Variants in RNF213 observed in about 807,000 individuals in gnomAD.
RNF213 encodes the protein ring finger protein 213.
In RNF213, 341 loss-of-function variants were observed where a neutral mutation model predicts 514.4. That is an observed-to-expected ratio of 0.66 (90% CI 0.61 to 0.73). The LOEUF (loss-of-function observed/expected upper bound fraction) is 0.73, where lower values mean the gene tolerates loss of function less well. Among genes scored for constraint, RNF213 ranks in the 30% least tolerant of loss-of-function variants. The pLI, the probability that RNF213 is intolerant of heterozygous loss-of-function variation, is 0.00. For missense variants in RNF213, 5,767 were observed against 6,615.6 expected, an observed-to-expected ratio of 0.87 and a Z score of 4.45; for synonymous variants, 2,655 against 2,658.2, an observed-to-expected ratio of 1.00 and a Z score of 0.04.
At position 80,317,316 on chromosome 17, in the gene RNF213, G is replaced by A; in HGVS notation, c.2901+39G>A. The A allele has an allele frequency of 6.3e-7, 1 of 1,587,636 alleles. No homozygotes were observed. Among genetic ancestry groups the A allele is most frequent in the South Asian group, 1.1e-5 (1 of 87,890 alleles). On this transcript the variant is annotated intron_variant, in intron 16 of 67. Coordinates refer to ENST00000582970, the MANE Select transcript of RNF213 (RefSeq NM_001256071.3). This position sits in a 1 kb window ranked among gnomAD's most constrained non-coding sequence, Gnocchi z 4.1. ...GGGGGCAGTCTTTTCAGGGCGTGAA[G>A]GCAAGCTGGAGAACCCCAGACCATT...
In RNF213 at chr17:80,343,839, G is replaced by A. The variant is rs145779158; in HGVS notation, c.6184-18G>A. The A allele has an allele frequency of 8.7e-4, 1,403 of 1,614,024 alleles. 14 individuals are homozygous for A. In the African/African-American group the frequency reaches 0.016, roughly 18 times the overall value. Reference sequence around the variant, plus strand: ...CCATCGTGTCGTGTGTTTACACCTCGTGCGATTCTGTTCTTAGGTGCAGAC... The same window carrying A: ...CCATCGTGTCGTGTGTTTACACCTCATGCGATTCTGTTCTTAGGTGCAGAC... On this transcript the variant is annotated intron_variant, in intron 27 of 67. Transcript: ENST00000582970. This position sits in a 1 kb window ranked among gnomAD's most constrained non-coding sequence, Gnocchi z 4.3.
In RNF213 at chr17:80,290,734, C is replaced by A; in HGVS notation, c.1271+6C>A. 6.2e-7 allele frequency: 1 copy of A among 1,613,882 alleles called. No individual in the cohort carries two copies. Among genetic ancestry groups the A allele is most frequent in the East Asian group, 2.2e-5 (1 of 44,882 alleles). ...TGTGAGCTGCACTACACCAGGTGAGCGTGTCTGTAGGCTTGGGAGGAATCC... is the reference window on the plus strand; with the variant it reads ...TGTGAGCTGCACTACACCAGGTGAGAGTGTCTGTAGGCTTGGGAGGAATCC... On this transcript the variant is annotated splice_donor_region_variant and intron_variant, in intron 7 of 67. Transcript: ENST00000582970.
Position 80,287,969 on chromosome 17 carries a change from A to C in RNF213, c.416A>C (p.Gln139Pro). 6.4e-7 allele frequency: 1 copy of C among 1,574,722 alleles called. No individual in the cohort carries two copies. Among genetic ancestry groups the C allele is most frequent in the Non-Finnish European group, 8.6e-7 (1 of 1,160,380 alleles). ...QDTALPHSQAQQSGPTGQPSQ... is the reference protein window; with the variant it reads ...QDTALPHSQAPQSGPTGQPSQ... ...ACAGCCCTGCCCCACAGCCAAGCCC[A>C]GCAGAGTGGCCCCACTGGCCAGCCG... is the stretch of plus-strand genomic sequence containing the variant. The change falls in exon 4 of 68, where the codon CAG (glutamine) becomes CCG (proline). Residue 139 changes from glutamine to proline, a missense_variant. Transcript: ENST00000582970.
At chr17:80,386,515 C>T in intron 62 of RNF213, 85 bp downstream of exon 62, 3 of 1,509,660 alleles carry the variant, frequency 2.0e-6, no homozygotes, top group South Asian at 2.3e-5. Context: ...AAGCTTCAGC[C>T]CCTTCCCTAA....
chr17:80,280,405 A>G (rs1287776501), intron 3 of RNF213, among the ~76,000 whole-genome samples: 3 of 152,202 alleles, frequency 2.0e-5, no homozygotes, highest in Non-Finnish European at 4.4e-5. Context: ...GAACTTAACC[A>G]ACTAATTAAT....
At chr17:80,371,576 T>C (rs2079519470) in intron 46 of RNF213, 1 of 210,136 alleles carries the variant, frequency 4.8e-6, no homozygotes, top group Non-Finnish European at 9.5e-6. Flanking sequence ...TAATTCCTAA[T>C]ATCATAAATA....
intron 11 of RNF213, among the ~76,000 whole-genome samples, chr17:80,300,690 A>G (rs535562990): frequency 2.9e-4 from 44 of 151,418 alleles, no homozygotes; most frequent in African/African-American, 1.0e-3. Context: ...GGTAGCTGGG[A>G]CCACAGGCAC....
rs2078998404 is a variant in RNF213, at chr17:80,360,054, A to G, written c.11055-7A>G. Reference sequence around the variant, plus strand: ...CCCTCTTCTTATCATCCCTCACCTTATTGCAGACATAAAGGTGAGATGGCC... The same window carrying G: ...CCCTCTTCTTATCATCCCTCACCTTGTTGCAGACATAAAGGTGAGATGGCC... On this transcript the variant is annotated splice_region_variant and splice_polypyrimidine_tract_variant and intron_variant, in intron 37 of 67. Coordinates refer to ENST00000582970, the MANE Select transcript of RNF213 (RefSeq NM_001256071.3). 2 of 1,613,660 alleles carry G rather than the reference A, an allele frequency of 1.2e-6. No homozygotes were observed. The highest frequency in any genetic ancestry group is 1.7e-6 in the Non-Finnish European group (2 of 1,179,732).
In RNF213 at chr17:80,386,683, C is replaced by T. The variant is rs749069143; in HGVS notation, c.14721-7C>T. ...TGGACGCTGAGCGCTGTCTTTCTGC[C>T]CCTCAGCTATTCCGTGGATGCCGCC... On this transcript the variant is annotated splice_polypyrimidine_tract_variant and splice_region_variant and intron_variant, in intron 62 of 67. Coordinates refer to ENST00000582970, the MANE Select transcript of RNF213 (RefSeq NM_001256071.3). 3 of 1,614,120 alleles carry T rather than the reference C, an allele frequency of 1.9e-6. No individual in the cohort carries two copies. The highest frequency in any genetic ancestry group is 2.5e-6 in the Non-Finnish European group (3 of 1,179,938).
intron 14 of RNF213, 31 bp from the exon 15 acceptor site, chr17:80,312,981 A>G: frequency 6.2e-7 from 1 of 1,613,356 alleles, no homozygotes; most frequent in African/African-American, 1.3e-5. Context: ...ACAGCCGAGG[A>G]TGACTGACCC....
intron 30 of RNF213, among the ~76,000 whole-genome samples, 192 bp from the exon 31 acceptor site, chr17:80,350,109 A>G (rs1394664172): frequency 6.6e-6 from 1 of 151,930 alleles, no homozygotes; most frequent in Non-Finnish European, 1.5e-5. Context: ...CTCCTCCGAG[A>G]GCACCATCCT....
chr17:80,374,706 G>A (rs2079674007), intron 50 of RNF213, 117 bp downstream of exon 50: 1 of 1,264,088 alleles, frequency 7.9e-7, no homozygotes, highest in Non-Finnish European at 1.1e-6. Flanking sequence ...CCCATCACGT[G>A]ACACTGTATT....
chr17:80,305,896 G>A (rs1439345509), intron 11 of RNF213, among the ~76,000 whole-genome samples: 1 of 152,196 alleles, frequency 6.6e-6, no homozygotes, highest in Non-Finnish European at 1.5e-5. Context: ...CTGGGATTCA[G>A]GCGTGAGCCA....
At chr17:80,344,159 G>C in intron 28 of RNF213, 144 bp downstream of exon 28, 1 of 847,768 alleles carries the variant, frequency 1.2e-6, no homozygotes. Flanking sequence ...GTAAAGAAAA[G>C]CCCATCTTTA....
At chr17:80,340,608 GGTTTTTTTTTT>G in intron 26 of RNF213, 1 of 224,788 alleles carries the variant, frequency 4.4e-6, no homozygotes, top group Non-Finnish European at 8.1e-6. Context: ...TGTACTTTGT[GGTTTTTTTTTT>G]TTTTTTTTTT....
chr17:80,277,934 G>T (rs903298557), intron 3 of RNF213, among the ~76,000 whole-genome samples: 1 of 152,250 alleles, frequency 6.6e-6, no homozygotes. Context: ...CAGTCATGGG[G>T]TGGGTGGAGA....
rs2078088920 is a variant in RNF213 at position 80,339,583 on chromosome 17, G to A, written c.5216G>A (p.Arg1739Lys). 6.5e-7 allele frequency: 1 copy of A among 1,537,230 alleles called. No homozygotes were observed. Among genetic ancestry groups the A allele is most frequent in the South Asian group, 1.2e-5 (1 of 84,060 alleles). ...TTCATCAAAAGCAACTGCACCCTGA[G>A]GGATGTCTTAAGGGCCTCTGTGGGG... ...LSFIKSNCTL[R>K]DVLRASVGCG... The change falls in exon 26 of 68, where the codon AGG becomes AAG. Residue 1739 changes from arginine to lysine, a missense_variant. By Grantham distance (26) the Arg-to-Lys change is conservative. Coordinates refer to ENST00000582970, the MANE Select transcript of RNF213 (RefSeq NM_001256071.3).
intron 22 of RNF213, among the ~76,000 whole-genome samples, 170 bp from the exon 23 acceptor site, chr17:80,335,991 A>C (rs1297735075): frequency 1.3e-5 from 2 of 151,946 alleles, no homozygotes; most frequent in East Asian, 3.9e-4. Context: ...AAAAAAAAAA[A>C]AACTACAAAA....
chr17:80,381,451 T>C, intron 56 of RNF213, 96 bp from the exon 57 acceptor site: 2 of 1,313,224 alleles, frequency 1.5e-6, no homozygotes, highest in Non-Finnish European at 2.2e-6. Flanking sequence ...CTTCCGACTC[T>C]ATGCTGGTGC....
Sources: gnomAD v4.1 joint callset for allele counts (sites outside exome capture counted in the v4.1 genomes callset) on GRCh38, gnomAD v4.1.1 for gene constraint, Gnocchi (gnomAD v3.1) non-coding constraint, MANE v1.5 for transcripts, NCBI Gene and HGNC (gene_info 2026-07-23, HGNC 2026-07-21) for gene names.